FAN1: variants seen among roughly 807,000 people sequenced by gnomAD.
FAN1 encodes fanconi-associated nuclease 1.
FAN1 carries 91 observed loss-of-function variants against 104.9 expected under a neutral mutation model. The observed-to-expected ratio is 0.87, with a 90% CI of 0.73 to 1.03. The LOEUF is 1.03. Ranked by LOEUF, FAN1 falls within the 50% of genes least tolerant of loss-of-function variation. The pLI, the probability that FAN1 is intolerant of heterozygous loss-of-function variation, is 0.00. For missense variants in FAN1, 1,263 were observed against 1,239.9 expected, an observed-to-expected ratio of 1.02 and a Z score of -0.28; for synonymous variants, 478 against 457.6, an observed-to-expected ratio of 1.04 and a Z score of -0.57.
intron 6 of FAN1, among the ~76,000 whole-genome samples, chr15:30,920,017 T>C (rs1434659305): frequency 6.6e-6 from 1 of 152,180 alleles, no homozygotes; most frequent in Non-Finnish European, 1.5e-5. Flanking sequence ...AAAGGTCACA[T>C]AGTGAATATT....
chr15:30,920,730 C>T (rs2062310521), intron 7 of FAN1, 77 bp downstream of exon 7: 8 of 811,412 alleles, frequency 9.9e-6, no homozygotes, highest in South Asian at 1.7e-5. Flanking sequence ...CTGTCGGGCT[C>T]TCAGCATTTC....
chr15:30,910,787 C>G lies in FAN1; in HGVS notation c.1549C>G (p.Pro517Ala). 1.2e-6 allele frequency: 2 copies of G among 1,613,826 alleles called. No homozygotes were observed. The highest frequency in any genetic ancestry group is 1.7e-6 in the Non-Finnish European group (2 of 1,179,896). The change falls in exon 4 of 15, where the codon CCT becomes GCT. Residue 517 changes from proline (P) to alanine (A), a missense_variant. By Grantham distance (27) the Pro-to-Ala change is conservative. Transcript: ENST00000362065. ...RSVCTWGKNK[P>A]GIGAVILKRA... is the part of the protein sequence containing the mutation. ...AGTCTGCACTTGGGGCAAGAATAAG[C>G]CTGGAATTGGTGCAGTGATTTTAAA...
At position 30,913,962 on chromosome 15, in the gene FAN1, A is replaced by G. The variant is rs774868279; in HGVS notation, c.1682A>G (p.Glu561Gly). 5 of 1,614,066 alleles carry G rather than the reference A, an allele frequency of 3.1e-6. No homozygotes were observed. Among genetic ancestry groups the G allele is most frequent in the Non-Finnish European group, 4.2e-6 (5 of 1,180,036 alleles). ...TCGTTGACCGACTCAATGGAAGATG[A>G]AGACGCCGCTTGTGGAGGTCAGGGA... is the stretch of plus-strand genomic sequence containing the variant. Reference protein sequence around the residue: ...LFSLTDSMEDEDAACGGQGQL... With the variant: ...LFSLTDSMEDGDAACGGQGQL... The change falls in exon 5 of 15, where the codon GAA becomes GGA. Residue 561 changes from glutamate to glycine, a missense_variant. Glu to Gly is a moderately conservative substitution (Grantham distance 98). Coordinates refer to ENST00000362065, the MANE Select transcript of FAN1 (RefSeq NM_014967.5).
chr15:30,926,555 TTC>T (rs754828086), intron 10 of FAN1: 2 of 909,322 alleles, frequency 2.2e-6, no homozygotes, highest in Non-Finnish European at 2.6e-6. Context: ...AAAGCCCAGG[TTC>T]TTTCTGATGA....
Position 30,910,648 on chromosome 15 carries a change from A to G in FAN1, c.1410A>G (p.Glu470=). The G allele has an allele frequency of 6.2e-7, 1 of 1,612,238 alleles. No homozygotes were observed. Among genetic ancestry groups the G allele is most frequent in the Non-Finnish European group, 8.5e-7 (1 of 1,179,016 alleles). The change falls in exon 4 of 15, where the codon GAA becomes GAG. Residue 470 remains glutamate, a synonymous_variant. Transcript: ENST00000362065. ...SELQELSEVL[E]LLSAPELKSL... is the part of the protein sequence containing the mutation. ...TGCAAGAACTCTCTGAAGTGCTTGA[A>G]CTCCTTTCTGCTCCTGAACTAAAAT...
intron 14 of FAN1, chr15:30,940,617 C>G: frequency 1.0e-6 from 1 of 985,602 alleles, no homozygotes; most frequent in Non-Finnish European, 1.2e-6. Flanking sequence ...ATGGCACTCT[C>G]CTGTCTACAG....
chr15:30,915,597 C>T (rs2062183672), intron 5 of FAN1, among the ~76,000 whole-genome samples: 1 of 152,034 alleles, frequency 6.6e-6, no homozygotes, highest in South Asian at 2.1e-4. Context: ...AATGAGACCC[C>T]ATCTCTAAAA....
intron 14 of FAN1, chr15:30,939,802 T>C: frequency 1.0e-6 from 1 of 985,304 alleles, no homozygotes; most frequent in Non-Finnish European, 1.2e-6. Context: ...ATAAGGAGAT[T>C]GGGTCTGGTT....
Position 30,905,501 on chromosome 15 carries a change from G to C in FAN1, c.838G>C (p.Glu280Gln). The C allele has an allele frequency of 6.2e-7, 1 of 1,614,088 alleles. No individual in the cohort carries two copies. Among genetic ancestry groups the C allele is most frequent in the African/African-American group, 1.3e-5 (1 of 75,044 alleles). The change falls in exon 2 of 15, where the codon GAA (glutamate) becomes CAA (glutamine). Residue 280 changes from glutamate to glutamine, a missense_variant. Glu to Gln is a conservative substitution (Grantham distance 29). Coordinates refer to ENST00000362065, the MANE Select transcript of FAN1 (RefSeq NM_014967.5). ...TLRNTLKSTS[E>Q]DSLVKQECIK... ...TAGGAATACATTAAAGTCTACTTCAGAAGACAGTCTTGTAAAGCAAGAGTG... is the reference window on the plus strand; with the variant it reads ...TAGGAATACATTAAAGTCTACTTCACAAGACAGTCTTGTAAAGCAAGAGTG...
intron 13 of FAN1, among the ~76,000 whole-genome samples, chr15:30,935,444 AAAG>A (rs1287840554): frequency 6.6e-6 from 1 of 152,246 alleles, no homozygotes; most frequent in Non-Finnish European, 1.5e-5. Flanking sequence ...TATTTGGAAA[AAAG>A]AAAAACAATA....
intron 1 of FAN1, 147 bp downstream of exon 1, chr15:30,904,158 TGC>T (rs2061912693): frequency 6.5e-6 from 1 of 153,396 alleles, no homozygotes; most frequent in South Asian, 2.0e-4. Context: ...CGGCCTATGG[TGC>T]GGGCATCGCC....
intron 8 of FAN1, among the ~76,000 whole-genome samples, chr15:30,924,863 G>A (rs1019644472): frequency 9.2e-5 from 14 of 152,116 alleles, no homozygotes; most frequent in Admixed American, 5.2e-4. Flanking sequence ...CTTTGTGAGG[G>A]GCAGCTGCTG....
At chr15:30,922,101 G>A in intron 7 of FAN1, 134 bp from the exon 8 acceptor site, 2 of 1,145,414 alleles carry the variant, frequency 1.7e-6, no homozygotes, top group African/African-American at 1.6e-5. Flanking sequence ...TGTCAGTTCG[G>A]GGTCCTTGGC....
At chr15:30,929,441 A>G in intron 12 of FAN1, 44 bp downstream of exon 12, 1 of 1,504,354 alleles carries the variant, frequency 6.6e-7, no homozygotes, top group Non-Finnish European at 9.1e-7. Flanking sequence ...GAAAGTTAAC[A>G]CCGCCCCAGT....
chr15:30,932,817 ATTC>A (rs1162824757), intron 13 of FAN1, among the ~76,000 whole-genome samples: 2 of 146,030 alleles, frequency 1.4e-5, no homozygotes, highest in African/African-American at 2.5e-5. Flanking sequence ...GGTTCAAGTG[ATTC>A]TCGTGCCTCA....
At position 30,942,094 on chromosome 15, in the gene FAN1, A is replaced by C. The variant is rs2063074384; in HGVS notation, c.*532A>C. The C allele has an allele frequency of 6.3e-7, 1 of 1,599,652 alleles. No homozygotes were observed. The highest frequency in any genetic ancestry group is 1.7e-5 in the Admixed American group (1 of 58,882). On this transcript the variant is annotated 3_prime_UTR_variant, in exon 15 of 15. Transcript: ENST00000362065. ...TTTTCTATACAGAAGAGATTTTATT[A>C]TGTTCCGGGGATTCCCTTTTTAGAA... is the stretch of plus-strand genomic sequence containing the variant.
At chr15:30,921,834 C>T (rs1274842322) in intron 7 of FAN1, among the ~76,000 whole-genome samples, 1 of 152,212 alleles carries the variant, frequency 6.6e-6, no homozygotes, top group Non-Finnish European at 1.5e-5. Flanking sequence ...TTCCTGCCCA[C>T]CCCAAATCCC....
intron 7 of FAN1, among the ~76,000 whole-genome samples, chr15:30,921,280 T>G (rs1381732504): frequency 1.3e-5 from 2 of 152,200 alleles, no homozygotes; most frequent in Non-Finnish European, 2.9e-5. Flanking sequence ...AGCCTGAGCC[T>G]GAGTCTCTTT....
chr15:30,920,728 C>T, intron 7 of FAN1, 75 bp downstream of exon 7: 1 of 827,766 alleles, frequency 1.2e-6, no homozygotes, highest in Non-Finnish European at 2.0e-6. Flanking sequence ...AGCTGTCGGG[C>T]TCTCAGCATT....
Sources: allele counts gnomAD v4.1 joint callset (sites outside exome capture counted in the v4.1 genomes callset), GRCh38; gene constraint gnomAD v4.1.1; transcripts MANE v1.5; gene names NCBI Gene and HGNC (gene_info 2026-07-23, HGNC 2026-07-21).